PRKG1: variants seen among roughly 807,000 people sequenced by gnomAD.
PRKG1 encodes cGMP-dependent protein kinase 1.
Under a neutral mutation model 88.1 loss-of-function variants are expected in PRKG1, and 35 were observed. The observed-to-expected ratio is 0.40, with a 90% CI of 0.30 to 0.53. The LOEUF (loss-of-function observed/expected upper bound fraction) is 0.53. Ranked by LOEUF, PRKG1 falls within the 20% of genes least tolerant of loss-of-function variation. PRKG1 has a pLI of 0.59. For synonymous variants in PRKG1, 303 were observed against 292.5 expected, an observed-to-expected ratio of 1.04 and a Z score of -0.37; for missense variants, 540 against 839.8, an observed-to-expected ratio of 0.64 and a Z score of 4.41.
chr10:51,953,677 A>G (rs7092197), intron 5 of PRKG1, among the ~76,000 whole-genome samples: 54,231 of 151,918 alleles, frequency 0.36, 10,201 homozygotes, highest in East Asian at 0.65. Context: ...ATGAATGTTA[A>G]ATGAACATTC....
At chr10:51,838,166 AT>A (rs1420615306) in intron 4 of PRKG1, among the ~76,000 whole-genome samples, 1 of 152,224 alleles carries the variant, frequency 6.6e-6, no homozygotes, top group African/African-American at 2.4e-5. Flanking sequence ...ATAATTAGGC[AT>A]TTTTAGGAAA....
At chr10:51,548,994 A>T (rs1287073738) in intron 3 of PRKG1, among the ~76,000 whole-genome samples, 1 of 151,986 alleles carries the variant, frequency 6.6e-6, no homozygotes, top group Non-Finnish European at 1.5e-5. Flanking sequence ...TTCACTCAAG[A>T]ATATGGTTAA....
chr10:52,122,087 G>A (rs1589625723), intron 7 of PRKG1, among the ~76,000 whole-genome samples: 1 of 152,180 alleles, frequency 6.6e-6, no homozygotes, highest in Non-Finnish European at 1.5e-5. Context: ...TGAGACACTG[G>A]GATGTCCAAG....
intron 4 of PRKG1, 52 bp downstream of exon 4, chr10:51,804,742 A>G (rs761925723): frequency 2.4e-6 from 3 of 1,269,134 alleles, no homozygotes; most frequent in Admixed American, 1.8e-5. Flanking sequence ...TTTTAGCCCT[A>G]TTATCTGAAA....
intron 2 of PRKG1, among the ~76,000 whole-genome samples, chr10:51,414,862 G>A (rs1231173881): frequency 6.6e-6 from 1 of 152,016 alleles, no homozygotes; most frequent in Non-Finnish European, 1.5e-5. Context: ...TTAATTGCTT[G>A]AGCTGAAAAA....
chr10:51,375,502 A>G (rs1432021459), intron 2 of PRKG1, among the ~76,000 whole-genome samples: 2 of 152,120 alleles, frequency 1.3e-5, no homozygotes, highest in Non-Finnish European at 2.9e-5. Flanking sequence ...CTGAAATCCA[A>G]AATGTTCCAG....
intron 3 of PRKG1, chr10:51,696,135 A>AAGTG (rs1841286095): frequency 6.6e-6 from 1 of 152,222 alleles, no homozygotes; most frequent in South Asian, 2.1e-4. Flanking sequence ...GCAGTAAGTC[A>AAGTG]AGTGAGTATT....
chr10:51,087,136 T>A (rs762074298), intron 1 of PRKG1, among the ~76,000 whole-genome samples: 1 of 152,218 alleles, frequency 6.6e-6, no homozygotes, highest in African/African-American at 2.4e-5. Context: ...AGGAAGAATA[T>A]AATATTAACA....
At chr10:51,918,785 A>C (rs987734392) in intron 5 of PRKG1, among the ~76,000 whole-genome samples, 1 of 152,186 alleles carries the variant, frequency 6.6e-6, no homozygotes, top group Non-Finnish European at 1.5e-5. Flanking sequence ...TTCCTTTTAC[A>C]GGGACAAGTG....
chr10:52,020,935 C>T (rs995359263), intron 5 of PRKG1, among the ~76,000 whole-genome samples: 2 of 152,076 alleles, frequency 1.3e-5, no homozygotes, highest in Non-Finnish European at 2.9e-5. Flanking sequence ...CAGGAAATGG[C>T]CTCTCCCTGG....
At chr10:51,840,950 G>A (rs1332479598) in intron 4 of PRKG1, among the ~76,000 whole-genome samples, 1 of 152,090 alleles carries the variant, frequency 6.6e-6, no homozygotes, top group Non-Finnish European at 1.5e-5. Flanking sequence ...TTAAAATATA[G>A]GGTTTTATTT....
chr10:52,220,780 G>A (rs2132823617), intron 9 of PRKG1, among the ~76,000 whole-genome samples: 1 of 152,144 alleles, frequency 6.6e-6, no homozygotes, highest in Middle Eastern at 3.4e-3. Context: ...GTATTCCATG[G>A]TATATATATA....
rs527942689 is a variant in PRKG1, at chr10:52,123,876, C to T, written c.936-9964C>T. Among the ~76,000 whole-genome samples, 24 of 152,262 alleles carry T rather than the reference C, an allele frequency of 1.6e-4. No individual in the cohort carries two copies. In the East Asian group the frequency reaches 4.6e-3, roughly 29 times the overall value. On this transcript the variant is annotated intron_variant, in intron 7 of 17. Coordinates refer to ENST00000373980, the MANE Select transcript of PRKG1 (RefSeq NM_006258.4). The stretch of plus-strand genomic sequence containing the variant: ...AAATCCTTAGAACTACCTCCAGACA[C>T]TGAATGATGTGGCCCTGTTTTCTTC...
intron 7 of PRKG1, among the ~76,000 whole-genome samples, chr10:52,119,993 G>C: frequency 7.0e-6 from 1 of 143,314 alleles, no homozygotes; most frequent in South Asian, 2.1e-4. Flanking sequence ...AAGTGAGACA[G>C]AGAGAGAGAG....
At chr10:51,828,927 G>T (rs114935429) in intron 4 of PRKG1, among the ~76,000 whole-genome samples, 4 of 152,276 alleles carry the variant, frequency 2.6e-5, no homozygotes, top group South Asian at 4.2e-4. Context: ...ACACCAAAAC[G>T]TACTGGTTTA....
chr10:51,105,126 C>T (rs1323015712), intron 1 of PRKG1, among the ~76,000 whole-genome samples: 3 of 152,160 alleles, frequency 2.0e-5, no homozygotes, highest in Non-Finnish European at 4.4e-5. Context: ...CCACCTCAGC[C>T]TCCCAAAGTG....
At chr10:51,940,717 C>A (rs1228898787) in intron 5 of PRKG1, among the ~76,000 whole-genome samples, 2 of 151,858 alleles carry the variant, frequency 1.3e-5, no homozygotes, top group Non-Finnish European at 2.9e-5. Context: ...TCAAGCACCA[C>A]TTCTCTTCAA....
In PRKG1 at chr10:52,102,682, A is replaced by G. The variant is rs952064522; in HGVS notation, c.936-31158A>G. 5.1e-5 allele frequency among the ~76,000 whole-genome samples: 6 copies of G among 117,740 alleles called. No homozygotes were observed. In the East Asian group the frequency reaches 1.2e-3, roughly 23 times the overall value. The allele number at this position is 117,740 out of a possible 152,430, so 77.2% of individuals were successfully genotyped here. A position where few individuals can be genotyped will look rare whatever the true frequency, so the allele number is the denominator to read the frequency against. ...GAGCTAACAGACAACACACCAGAGG[A>G]TTTAACAGAAGATGACTTGATGGAG... On this transcript the variant is annotated intron_variant, in intron 7 of 17. Coordinates refer to ENST00000373980, the MANE Select transcript of PRKG1 (RefSeq NM_006258.4).
At chr10:51,770,799 C>T (rs59570307) in intron 3 of PRKG1, among the ~76,000 whole-genome samples, 143 of 152,152 alleles carry the variant, frequency 9.4e-4, no homozygotes, top group African/African-American at 3.1e-3. Flanking sequence ...AAGTGGTCCC[C>T]GGTGACCAAA....
Sources: gnomAD v4.1 joint callset for allele counts (sites outside exome capture counted in the v4.1 genomes callset) on GRCh38, gnomAD v4.1.1 for gene constraint, MANE v1.5 for transcripts, NCBI Gene and HGNC (gene_info 2026-07-23, HGNC 2026-07-21) for gene names.